DDB1: variants seen among roughly 807,000 people sequenced by gnomAD.
DDB1 encodes the protein damage specific DNA binding protein 1, also known as DNA damage-binding protein 1.
DDB1 carries 18 observed loss-of-function variants against 133.1 expected under a neutral mutation model. The ratio of observed to expected loss-of-function variants is 0.14; its 90% CI spans 0.09 to 0.20. The LOEUF (loss-of-function observed/expected upper bound fraction) is 0.20. Among genes scored for constraint, DDB1 ranks in the 10% least tolerant of loss-of-function variants. DDB1 has a pLI of 1.00. For missense variants in DDB1, 828 were observed against 1,459.2 expected (o/e 0.57, Z 7.05); for synonymous variants, 580 against 550.5 (o/e 1.05, Z -0.75).
At chr11:61,309,417 G>A (rs1855926218) in intron 20 of DDB1, among the ~76,000 whole-genome samples, 2 of 152,100 alleles carry the variant, frequency 1.3e-5, no homozygotes, top group African/African-American at 4.8e-5. Flanking sequence ...AACGAGAAAA[G>A]ATATTAAAAT....
At chr11:61,317,583 T>A (rs1361454891) in intron 10 of DDB1, among the ~76,000 whole-genome samples, 1 of 152,058 alleles carries the variant, frequency 6.6e-6, no homozygotes, top group African/African-American at 2.4e-5. Flanking sequence ...CTCGGCTCAC[T>A]ACAACCTCCG....
chr11:61,322,680 T>C, intron 8 of DDB1: 1 of 542,818 alleles, frequency 1.8e-6, no homozygotes, highest in Non-Finnish European at 3.3e-6. Flanking sequence ...ATGTAAAATG[T>C]TTGCATGCAT....
intron 18 of DDB1, 95 bp downstream of exon 18, chr11:61,311,689 C>T: frequency 9.0e-7 from 1 of 1,108,864 alleles, no homozygotes; most frequent in Non-Finnish European, 1.3e-6. Context: ...TGAGACCACA[C>T]TGCCTGCAAA....
At chr11:61,309,159 T>C in intron 20 of DDB1, 82 bp from the exon 21 acceptor site, 1 of 1,365,176 alleles carries the variant, frequency 7.3e-7, no homozygotes, top group Non-Finnish European at 1.0e-6. Context: ...GCCCCTGTGG[T>C]ACAAATTCTT....
At chr11:61,317,041 G>C (rs1418676511) in intron 10 of DDB1, among the ~76,000 whole-genome samples, 1 of 137,984 alleles carries the variant, frequency 7.2e-6, no homozygotes, top group Non-Finnish European at 1.6e-5. Context: ...GGAACATGGA[G>C]TCCTGAGCTG....
At chr11:61,308,013 C>A (rs568743962) in intron 21 of DDB1, among the ~76,000 whole-genome samples, 1 of 152,310 alleles carries the variant, frequency 6.6e-6, no homozygotes, top group East Asian at 1.9e-4. Flanking sequence ...GCTGCTTCTA[C>A]CCCTGCTCCC....
intron 21 of DDB1, 69 bp downstream of exon 21, chr11:61,308,914 C>T: frequency 6.6e-7 from 1 of 1,504,902 alleles, no homozygotes; most frequent in Non-Finnish European, 9.2e-7. Context: ...CCCAGACAAC[C>T]TAAGAGAGAC....
chr11:61,314,302 A>C lies in DDB1; in HGVS notation c.1589+6T>G, dbSNP rs781469246. 6.2e-7 allele frequency: 1 copy of C among 1,605,932 alleles called. No individual in the cohort carries two copies. The highest frequency in any genetic ancestry group is 1.1e-5 in the South Asian group (1 of 90,006). On this transcript the variant is annotated splice_donor_region_variant and intron_variant, in intron 13 of 26. Transcript: ENST00000301764. ...GGAAAGCGAGCAGACAGAAAAACAC[A>C]CACACCTGATCTGCCGGAGCTCCTG...
chr11:61,312,171 G>A, intron 16 of DDB1, 87 bp from the exon 17 acceptor site: 1 of 1,195,040 alleles, frequency 8.4e-7, no homozygotes, highest in East Asian at 2.3e-5. Flanking sequence ...AGAAAAACAA[G>A]GCAGGATTAC....
In DDB1 at chr11:61,331,649, T is replaced by C; in HGVS notation, c.104A>G (p.Lys35Arg). ...CACATAGATCTCTAATCTCGTGTTT[T>C]TGGCAATCAACAGGTTTAAGTCTTC... is the stretch of plus-strand genomic sequence containing the variant. ...SAEDLNLLIA[K>R]NTRLEIYVVT... Residue 35 changes from lysine (K) to arginine (R), a missense_variant, in exon 2 of 27, where the codon AAA (lysine) becomes AGA (arginine). This residue lies in a region of DDB1 where 210 missense variants were observed against 344.8 expected (regional missense o/e 0.61). Transcript: ENST00000301764. 3 of 1,614,216 alleles carry C rather than the reference T, an allele frequency of 1.9e-6. No homozygotes were observed. The highest frequency in any genetic ancestry group is 2.5e-6 in the Non-Finnish European group (3 of 1,180,036).
At chr11:61,317,718 G>A (rs1856115217) in intron 10 of DDB1, among the ~76,000 whole-genome samples, 1 of 152,142 alleles carries the variant, frequency 6.6e-6, no homozygotes, top group African/African-American at 2.4e-5. Context: ...GTGTTAGCCA[G>A]GATGGTCTCG....
chr11:61,332,779 T>C, intron 1 of DDB1, 129 bp downstream of exon 1: 1 of 807,976 alleles, frequency 1.2e-6, no homozygotes, highest in African/African-American at 1.8e-5. Context: ...GGGAGGTTCC[T>C]CGGCCGCCAG....
chr11:61,326,591 A>G (rs1458648052), intron 5 of DDB1, among the ~76,000 whole-genome samples, 188 bp downstream of exon 5: 1 of 152,256 alleles, frequency 6.6e-6, no homozygotes, highest in African/African-American at 2.4e-5. Flanking sequence ...AGTGAAAAAC[A>G]GAAAATCTCA....
intron 21 of DDB1, among the ~76,000 whole-genome samples, chr11:61,307,899 A>C (rs975598718): frequency 3.2e-4 from 49 of 152,114 alleles, no homozygotes; most frequent in African/African-American, 1.1e-3. Context: ...ACATAAGCAG[A>C]ATGTGACTAC....
chr11:61,331,931 G>A (rs1482869365), intron 1 of DDB1: 3 of 476,632 alleles, frequency 6.3e-6, no homozygotes, highest in East Asian at 3.5e-5. Context: ...CCTAAGAGCC[G>A]TGTGTCCTCC....
At chr11:61,314,528 C>G (rs1224119813) in intron 12 of DDB1, 42 bp from the exon 13 acceptor site, 3 of 1,575,550 alleles carry the variant, frequency 1.9e-6, no homozygotes, top group Admixed American at 3.6e-5. Flanking sequence ...AAGCATCTGC[C>G]AGGGTCCACA....
intron 1 of DDB1, 75 bp downstream of exon 1, chr11:61,332,833 G>T (rs1342140670): frequency 1.5e-6 from 2 of 1,305,298 alleles, no homozygotes; most frequent in East Asian, 6.1e-5. Flanking sequence ...CCGCCCCCGG[G>T]GCGGCGGGCC....
At chr11:61,323,173 C>G in intron 7 of DDB1, 79 bp from the exon 8 acceptor site, 4 of 1,180,364 alleles carry the variant, frequency 3.4e-6, no homozygotes, top group Non-Finnish European at 5.0e-6. Flanking sequence ...TCTCAGACAT[C>G]TGCTGAGAAA....
chr11:61,313,645 A>G lies in DDB1; in HGVS notation c.1923T>C (p.Phe641=). The G allele has an allele frequency of 6.2e-7, 1 of 1,614,174 alleles. No homozygotes were observed. ...LGTQPTVLRT[F]RSLSTTNVFA... ...AGACGTTGGTGGTAGAAAGAGAACG[A>G]AAAGTCCTCAATACGGTGGGCTGGG... The change falls in exon 16 of 27, where the codon TTT becomes TTC. Residue 641 remains phenylalanine, a synonymous_variant. Coordinates refer to ENST00000301764, the MANE Select transcript of DDB1 (RefSeq NM_001923.5).
Sources: allele counts gnomAD v4.1 joint callset (sites outside exome capture counted in the v4.1 genomes callset), GRCh38; gene constraint gnomAD v4.1.1; regional missense constraint gnomAD v4.1.1; transcripts MANE v1.5; gene names NCBI Gene and HGNC (gene_info 2026-07-23, HGNC 2026-07-21).